TBC1D30: variants seen among roughly 807,000 people sequenced by gnomAD.
TBC1D30 encodes TBC1 domain family, member 30.
TBC1D30 carries 31 observed loss-of-function variants against 63.2 expected under a neutral mutation model. That is an observed-to-expected ratio of 0.49 (90% CI 0.37 to 0.66). TBC1D30 has a LOEUF of 0.66. TBC1D30 is among the 30% of genes least tolerant of loss of function. TBC1D30 has a pLI of 0.00. For missense variants in TBC1D30, 810 were observed against 953.6 expected (o/e 0.85, Z 1.98); for synonymous variants, 307 against 361.5 (o/e 0.85, Z 1.71).
At chr12:64,775,428 G>A (rs1456757756) in intron 1 of TBC1D30, among the ~76,000 whole-genome samples, 1 of 152,074 alleles carries the variant, frequency 6.6e-6, no homozygotes, top group Non-Finnish European at 1.5e-5. Context: ...ATAAAGGGAT[G>A]GAGGAAAATT....
chr12:64,806,469 C>G (rs745693956), intron 2 of TBC1D30, among the ~76,000 whole-genome samples: 1 of 152,092 alleles, frequency 6.6e-6, no homozygotes, highest in African/African-American at 2.4e-5. Flanking sequence ...AAGATGCATA[C>G]AGCCAGCTCA....
chr12:64,781,966 A>G (rs1191434126), intron 1 of TBC1D30, among the ~76,000 whole-genome samples: 2 of 151,750 alleles, frequency 1.3e-5, no homozygotes, highest in African/African-American at 2.4e-5. Flanking sequence ...TTCAGTTGGC[A>G]TGGAGAGGTC....
intron 1 of TBC1D30, among the ~76,000 whole-genome samples, chr12:64,770,831 G>C (rs1247292744): frequency 1.3e-5 from 2 of 150,524 alleles, no homozygotes; most frequent in African/African-American, 2.5e-5. Flanking sequence ...AGCCTCCCAC[G>C]TAGCTGGGAC....
At chr12:64,822,520 G>A (rs1873945413), upstream of TBC1D30, among the ~76,000 whole-genome samples, 1 of 150,474 alleles carries the variant, frequency 6.6e-6, no homozygotes, top group Non-Finnish European at 1.5e-5. Flanking sequence ...TTACTTCTGA[G>A]GCAGGGTCTC....
Position 64,832,127 on chromosome 12 carries a change from C to T in TBC1D30, c.417C>T (p.His139=). The part of the protein sequence containing the change: ...SMGIQIVKDL[H]RTGCSSYCGQ... ...GTTTCCCTTCCATTTAGGACCTTCACCGCACAGGCTGTAGTTCTTACTGTG... is the reference window on the plus strand; with the variant it reads ...GTTTCCCTTCCATTTAGGACCTTCATCGCACAGGCTGTAGTTCTTACTGTG... Residue 139 remains histidine, a synonymous_variant, in exon 5 of 12, where the codon CAC becomes CAT. Coordinates refer to ENST00000539867, the MANE Select transcript of TBC1D30 (RefSeq NM_015279.2). 6.5e-7 allele frequency: 1 copy of T among 1,534,634 alleles called. No individual in the cohort carries two copies. Among genetic ancestry groups the T allele is most frequent in the Non-Finnish European group, 8.7e-7 (1 of 1,145,892 alleles).
In TBC1D30 at chr12:64,830,458, A is replaced by T; in HGVS notation, c.364A>T (p.Arg122Trp). The change falls in exon 4 of 12, where the codon AGG becomes TGG. Residue 122 changes from arginine (R) to tryptophan (W), a missense_variant. Arg to Trp is a moderately radical substitution (Grantham distance 101, BLOSUM62 -3). This residue lies in a region of TBC1D30 where 272 missense variants were observed against 335.9 expected (regional missense o/e 0.81). Transcript: ENST00000539867. ...DKTMRFTFNERSNPDDDSMGI... is the reference protein window; with the variant it reads ...DKTMRFTFNEWSNPDDDSMGI... ...AACCATGCGCTTCACTTTCAATGAA[A>T]GGAGTAATCCTGATGATGACTCCAT... 6.5e-7 allele frequency: 1 copy of T among 1,535,712 alleles called. No individual in the cohort carries two copies. The highest frequency in any genetic ancestry group is 8.7e-7 in the Non-Finnish European group (1 of 1,146,638).
chr12:64,871,374 A>C (rs1356298459), intron 11 of TBC1D30, among the ~76,000 whole-genome samples: 2 of 152,214 alleles, frequency 1.3e-5, no homozygotes, highest in East Asian at 1.9e-4. Context: ...TTTCTTTTTA[A>C]TTCCAAAAAT....
chr12:64,824,624 C>A (rs9804897), upstream of TBC1D30: 6 of 393,546 alleles, frequency 1.5e-5, no homozygotes, highest in African/African-American at 1.2e-4. Flanking sequence ...CCGCCCTCCC[C>A]GCCTCGAGCG....
intron 8 of TBC1D30, among the ~76,000 whole-genome samples, chr12:64,858,392 C>T (rs964631560): frequency 6.6e-6 from 1 of 152,156 alleles, no homozygotes; most frequent in African/African-American, 2.4e-5. Context: ...TGCTGGATCT[C>T]CCCTGAAGCC....
At chr12:64,783,422 T>C (rs879519813) in intron 1 of TBC1D30, among the ~76,000 whole-genome samples, 3 of 152,142 alleles carry the variant, frequency 2.0e-5, no homozygotes, top group Admixed American at 1.3e-4. Context: ...TAAGTTAGAG[T>C]GTATGAAGTG....
chr12:64,790,260 A>T (rs947844256), intron 2 of TBC1D30, among the ~76,000 whole-genome samples: 2 of 152,274 alleles, frequency 1.3e-5, no homozygotes, highest in South Asian at 4.2e-4. Flanking sequence ...GGCCAAATGG[A>T]TTATTGAACA....
intron 3 of TBC1D30, among the ~76,000 whole-genome samples, chr12:64,830,129 G>A (rs1405347575): frequency 3.9e-5 from 6 of 152,234 alleles, no homozygotes; most frequent in East Asian, 1.9e-4. Context: ...CTAATGCCTG[G>A]ATTGCTGCTT....
At position 64,759,515 on chromosome 12, in the gene TBC1D30, G is replaced by A. The variant is rs1298508518; in HGVS notation, c.-510G>A. On this transcript the variant is annotated 5_prime_UTR_variant, in exon 1 of 14. Coordinates refer to the TBC1D30 transcript ENST00000674237. ...GGCTGCGGACTGGCGCAGCCTGGAG[G>A]GAGGCATCAGGCAGTGGCGGAAAAG... 4 of 506,354 alleles carry A rather than the reference G, an allele frequency of 7.9e-6. No individual in the cohort carries two copies. In the East Asian group the frequency reaches 9.6e-5, roughly 12 times the overall value. The allele number at this position is 506,354 out of a possible 1,614,324, so 31.4% of individuals were successfully genotyped here. A position where few individuals can be genotyped will look rare whatever the true frequency, so the allele number is the denominator to read the frequency against.
intron 2 of TBC1D30, among the ~76,000 whole-genome samples, chr12:64,789,184 C>T (rs4964097): frequency 0.92 from 113,310 of 123,246 alleles, 52,029 homozygotes; most frequent in East Asian, 1. Flanking sequence ...TCTTCTTCTT[C>T]TTTTTTTTTT....
intron 2 of TBC1D30, among the ~76,000 whole-genome samples, chr12:64,815,242 C>T (rs1873451386): frequency 6.6e-6 from 1 of 152,192 alleles, no homozygotes; most frequent in South Asian, 2.1e-4. Flanking sequence ...TCTCTTTACA[C>T]AGGTCTTAAT....
chr12:64,767,788 C>CGGGGGGGGGGGGGGG (rs59418018), intron 1 of TBC1D30, among the ~76,000 whole-genome samples: 1 of 60,150 alleles, frequency 1.7e-5, no homozygotes, highest in Admixed American at 2.3e-4. Context: ...CATGCTCCGG[C>CGGGGGGGGGGGGGGG]GGGGGGGGGG....
At chr12:64,806,553 T>C (rs896228928) in intron 2 of TBC1D30, among the ~76,000 whole-genome samples, 1 of 152,172 alleles carries the variant, frequency 6.6e-6, no homozygotes, top group Admixed American at 6.5e-5. Flanking sequence ...TGGAAAAACA[T>C]TGAAACCCTT....
rs1873231354 is a variant in TBC1D30, at chr12:64,811,707, T to G, written c.644-16128T>G. On this transcript the variant is annotated intron_variant, in intron 2 of 12. Coordinates refer to the TBC1D30 transcript ENST00000542120. Reference sequence around the variant, plus strand: ...TTCACTTGTTCTGTTATCATGAGATTTTTTTGTTAACTGGCAGTGCTAGGC... The same window carrying G: ...TTCACTTGTTCTGTTATCATGAGATGTTTTTGTTAACTGGCAGTGCTAGGC... Among the ~76,000 whole-genome samples the G allele has an allele frequency of 2.6e-5, 4 of 152,214 alleles. 1 individual carries two copies. Among genetic ancestry groups the G allele is most frequent in the Admixed American group, 2.6e-4 (4 of 15,264 alleles).
intron 8 of TBC1D30, among the ~76,000 whole-genome samples, chr12:64,862,926 G>A (rs1877913773): frequency 6.6e-6 from 1 of 152,160 alleles, no homozygotes; most frequent in Admixed American, 6.5e-5. Flanking sequence ...TAGAGAAGGT[G>A]CTGTGCTCTG....
Sources: allele counts gnomAD v4.1 joint callset (sites outside exome capture counted in the v4.1 genomes callset), GRCh38; gene constraint gnomAD v4.1.1; regional missense constraint gnomAD v4.1.1; transcripts MANE v1.5; gene names NCBI Gene and HGNC (gene_info 2026-07-23, HGNC 2026-07-21).